COL26A1: variants seen among roughly 807,000 people sequenced by gnomAD.
COL26A1 encodes collagen type XXVI alpha 1 chain, also known as collagen alpha-1(XXVI) chain.
Under a neutral mutation model 59.3 loss-of-function variants are expected in COL26A1, and 41 were observed. That is an observed-to-expected ratio of 0.69 (90% confidence interval 0.54 to 0.90). The LOEUF (loss-of-function observed/expected upper bound fraction) is 0.90. COL26A1 is among the 40% of genes least tolerant of loss of function. The pLI is 0.00. For missense variants in COL26A1, 612 were observed against 602.3 expected (o/e 1.02, Z -0.17); for synonymous variants, 266 against 256.0 (o/e 1.04, Z -0.37).
At chr7:101,373,663 C>CT (rs1371617247) in intron 1 of COL26A1, among the ~76,000 whole-genome samples, 2 of 152,152 alleles carry the variant, frequency 1.3e-5, no homozygotes, top group East Asian at 3.9e-4. Context: ...CCTGAAGCTG[C>CT]TTTTAGGGGA....
chr7:101,493,658 C>T (rs1794516436), intron 3 of COL26A1, among the ~76,000 whole-genome samples: 1 of 150,880 alleles, frequency 6.6e-6, no homozygotes, highest in Non-Finnish European at 1.5e-5. Context: ...CGCGGTAGCT[C>T]ACGCCTGTAA....
chr7:101,489,848 T>C lies in COL26A1; in HGVS notation c.385+42061T>C, dbSNP rs796944888. On this transcript the variant is annotated intron_variant, in intron 3 of 12. Coordinates refer to ENST00000313669, the MANE Select transcript of COL26A1 (RefSeq NM_001278563.3). Reference sequence around the variant, plus strand: ...TTTCTTTCTTTCTTTCTTTCTTTCTTTCTTTCTTTCTTTCTTTCTTTCTTT... The same window carrying C: ...TTTCTTTCTTTCTTTCTTTCTTTCTCTCTTTCTTTCTTTCTTTCTTTCTTT... Among the ~76,000 whole-genome samples, 38 of 28,208 alleles carry C rather than the reference T, an allele frequency of 1.3e-3. 5 individuals carry two copies. The highest frequency in any genetic ancestry group is 4.2e-3 in the African/African-American group (14 of 3,302). 18.5% of individuals were successfully genotyped at this position (28,208 alleles called of 152,430 possible). A position where few individuals can be genotyped will look rare whatever the true frequency, so the allele number is the denominator to read the frequency against.
At chr7:101,431,824 T>A (rs1031841365) in intron 2 of COL26A1, among the ~76,000 whole-genome samples, 1 of 151,906 alleles carries the variant, frequency 6.6e-6, no homozygotes, top group Non-Finnish European at 1.5e-5. Flanking sequence ...GGGGGTCTCG[T>A]TTTGTTGCCC....
intron 3 of COL26A1, among the ~76,000 whole-genome samples, chr7:101,486,018 G>A (rs946570515): frequency 6.6e-5 from 10 of 151,986 alleles, no homozygotes; most frequent in Non-Finnish European, 2.9e-5. Flanking sequence ...ATTGAAAATA[G>A]AAAAATTAGC....
chr7:101,464,735 C>T (rs1469423643), intron 3 of COL26A1, among the ~76,000 whole-genome samples: 1 of 151,670 alleles, frequency 6.6e-6, no homozygotes, highest in African/African-American at 2.4e-5. Flanking sequence ...TTATTTTATT[C>T]ATTTATTTTG....
intron 2 of COL26A1, among the ~76,000 whole-genome samples, chr7:101,437,649 G>A (rs546662400): frequency 1.3e-5 from 2 of 151,904 alleles, no homozygotes; most frequent in East Asian, 1.9e-4. Context: ...TTCACAGCTC[G>A]CTGCAAGCTC....
At position 101,516,960 on chromosome 7, in the gene COL26A1, C is replaced by T. The variant is rs185178776; in HGVS notation, c.386-16122C>T. The stretch of plus-strand genomic sequence containing the variant: ...AGGCAAGTGGAAGAAAAAATTCATC[C>T]TTGGTGAAGGTCGGTGCCTGGTAAG... On this transcript the variant is annotated intron_variant, in intron 3 of 12. Transcript: ENST00000313669. 3.2e-4 allele frequency among the ~76,000 whole-genome samples: 49 copies of T among 152,226 alleles called. 1 individual carries two copies. In the East Asian group the frequency reaches 9.1e-3, roughly 28 times the overall value.
intron 1 of COL26A1, among the ~76,000 whole-genome samples, chr7:101,369,145 G>A (rs1343381341): frequency 1.3e-5 from 2 of 152,036 alleles, no homozygotes; most frequent in East Asian, 3.9e-4. Flanking sequence ...GATGACTCAC[G>A]CCTGTCATCC....
chr7:101,401,747 AGAGGAGGAAGAG>A (rs1792011165), intron 1 of COL26A1, among the ~76,000 whole-genome samples: 1 of 134,634 alleles, frequency 7.4e-6, no homozygotes, highest in South Asian at 2.3e-4. Context: ...AGGAGGAGGA[AGAGGAGGAAGAG>A]GAGGAGGGAG....
chr7:101,410,603 C>A lies in COL26A1; in HGVS notation c.159-9374C>A, dbSNP rs2079407. Among the ~76,000 whole-genome samples, 108 of 152,210 alleles carry A rather than the reference C, an allele frequency of 7.1e-4. 1 individual carries two copies. The East Asian group carries it at 0.021, about 29-fold the overall frequency. ...ATAACAAACATCTTATGATTGAGTT[C>A]TCCCGGGTTCAAGAGATTCTCCTGC... On this transcript the variant is annotated intron_variant, in intron 1 of 12. Coordinates refer to ENST00000313669, the MANE Select transcript of COL26A1 (RefSeq NM_001278563.3).
intron 1 of COL26A1, among the ~76,000 whole-genome samples, chr7:101,391,662 G>A (rs1177717289): frequency 2.0e-5 from 3 of 152,112 alleles, no homozygotes; most frequent in Non-Finnish European, 4.4e-5. Context: ...CAGGTTCAAA[G>A]AGATTCTCCT....
chr7:101,372,452 G>A (rs558206222), intron 1 of COL26A1, among the ~76,000 whole-genome samples: 2 of 151,184 alleles, frequency 1.3e-5, no homozygotes, highest in South Asian at 2.1e-4. Flanking sequence ...GTGAGCCACC[G>A]CACCTGGCCT....
chr7:101,462,381 A>G (rs989967520), intron 3 of COL26A1, among the ~76,000 whole-genome samples: 5 of 151,942 alleles, frequency 3.3e-5, no homozygotes, highest in African/African-American at 7.3e-5. Flanking sequence ...CAGTGGTGCC[A>G]TCTCGGCTCA....
intron 1 of COL26A1, among the ~76,000 whole-genome samples, chr7:101,416,957 G>C (rs62463369): frequency 1.3e-5 from 2 of 150,138 alleles, no homozygotes; most frequent in East Asian, 3.9e-4. Context: ...TGCCCAGGCT[G>C]GTCTAAACTC....
At chr7:101,500,245 G>C (rs997283699) in intron 3 of COL26A1, among the ~76,000 whole-genome samples, 3 of 152,184 alleles carry the variant, frequency 2.0e-5, no homozygotes, top group Non-Finnish European at 4.4e-5. Context: ...TGCCGGGAGG[G>C]GGGGCAAGTT....
intron 1 of COL26A1, among the ~76,000 whole-genome samples, chr7:101,415,151 C>A (rs191010927): frequency 0.02 from 2,777 of 140,516 alleles, 32 homozygotes; most frequent in Middle Eastern, 0.031. Flanking sequence ...GATCATAACC[C>A]CCCCCCTTTT....
intron 1 of COL26A1, among the ~76,000 whole-genome samples, chr7:101,399,277 A>T (rs1267069556): frequency 6.6e-6 from 1 of 152,126 alleles, no homozygotes; most frequent in African/African-American, 2.4e-5. Context: ...CTGTACTCCA[A>T]CATGGGCAAC....
intron 2 of COL26A1, among the ~76,000 whole-genome samples, chr7:101,447,271 C>T (rs1793219693): frequency 6.6e-6 from 1 of 152,200 alleles, no homozygotes; most frequent in Non-Finnish European, 1.5e-5. Context: ...ACCATAATTT[C>T]TAATCCTGTA....
chr7:101,489,463 G>T (rs1794337178), intron 3 of COL26A1, among the ~76,000 whole-genome samples: 1 of 152,158 alleles, frequency 6.6e-6, no homozygotes, highest in Non-Finnish European at 1.5e-5. Context: ...CAGACGCCAA[G>T]AGAGGATTCT....
Sources: allele counts gnomAD v4.1 joint callset (sites outside exome capture counted in the v4.1 genomes callset), GRCh38; gene constraint gnomAD v4.1.1; transcripts MANE v1.5; gene names NCBI Gene and HGNC (gene_info 2026-07-23, HGNC 2026-07-21).